CCSER1: variants seen among roughly 807,000 people sequenced by gnomAD.
CCSER1 encodes the protein serine-rich coiled-coil domain-containing protein 1.
CCSER1 carries 41 observed loss-of-function variants against 82.0 expected under a neutral mutation model. The ratio of observed to expected loss-of-function variants is 0.50; its 90% CI spans 0.39 to 0.65. The LOEUF (loss-of-function observed/expected upper bound fraction) is 0.65. Among genes scored for constraint, CCSER1 ranks in the 30% least tolerant of loss-of-function variants. The probability of loss-of-function intolerance (pLI) is 0.00; values close to 1 mark genes in which losing one functional copy is unlikely to be tolerated. For missense variants in CCSER1, 1,119 were observed against 1,064.2 expected (o/e 1.05, Z -0.72); for synonymous variants, 414 against 383.9 (o/e 1.08, Z -0.92).
chr4:91,545,362 T>C (rs1328854720), intron 10 of CCSER1, among the ~76,000 whole-genome samples: 1 of 152,088 alleles, frequency 6.6e-6, no homozygotes, highest in Non-Finnish European at 1.5e-5. Context: ...ATGAAACAGG[T>C]ACCTCAGTTG....
At chr4:90,299,312 C>G (rs1209550605) in intron 1 of CCSER1, among the ~76,000 whole-genome samples, 2 of 151,982 alleles carry the variant, frequency 1.3e-5, no homozygotes, top group Admixed American at 1.3e-4. Flanking sequence ...TGTTTTGTGT[C>G]AATTCATTTT....
At chr4:90,721,213 A>T (rs1561013646) in intron 6 of CCSER1, among the ~76,000 whole-genome samples, 1 of 151,908 alleles carries the variant, frequency 6.6e-6, no homozygotes, top group Non-Finnish European at 1.5e-5. Context: ...ATAACATTTT[A>T]ATGGTAGGTA....
At chr4:90,293,403 C>G (rs897796639) in intron 1 of CCSER1, among the ~76,000 whole-genome samples, 15 of 151,272 alleles carry the variant, frequency 9.9e-5, no homozygotes, top group African/African-American at 3.4e-4. Flanking sequence ...TTATCAGATA[C>G]TAATTGTTTT....
chr4:90,586,139 C>T (rs986200578), intron 5 of CCSER1, among the ~76,000 whole-genome samples: 2 of 152,086 alleles, frequency 1.3e-5, no homozygotes, highest in Admixed American at 6.6e-5. Context: ...GCCTGAGCTC[C>T]ACCTCCTGTC....
At chr4:90,707,538 A>T (rs72875622) in intron 6 of CCSER1, among the ~76,000 whole-genome samples, 11,296 of 137,920 alleles carry the variant, frequency 0.082, 452 homozygotes, top group East Asian at 0.15. Context: ...TTAAAAAAAA[A>T]ATATATATAT....
chr4:91,205,995 G>A (rs1736312718), intron 10 of CCSER1, among the ~76,000 whole-genome samples: 1 of 151,758 alleles, frequency 6.6e-6, no homozygotes, highest in African/African-American at 2.4e-5. Flanking sequence ...GAAGTGCAGA[G>A]AGCTAAGGGA....
At chr4:90,256,853 G>C (rs1326387608) in intron 1 of CCSER1, among the ~76,000 whole-genome samples, 1 of 152,088 alleles carries the variant, frequency 6.6e-6, no homozygotes, top group Non-Finnish European at 1.5e-5. Flanking sequence ...TTTTGAGAGA[G>C]AGAAAGAGGG....
chr4:91,596,004 A>G (rs985917856), intron 10 of CCSER1, among the ~76,000 whole-genome samples: 1 of 150,982 alleles, frequency 6.6e-6, no homozygotes, highest in Non-Finnish European at 1.5e-5. Flanking sequence ...AAAACAAACT[A>G]TGCTAAATAA....
intron 8 of CCSER1, among the ~76,000 whole-genome samples, chr4:90,849,982 G>A (rs1763667581): frequency 6.6e-6 from 1 of 152,002 alleles, no homozygotes; most frequent in Non-Finnish European, 1.5e-5. Flanking sequence ...ATGGTTTCAT[G>A]GGCTGGGCAC....
Position 90,309,380 on chromosome 4 carries a change from A to C in CCSER1, c.1096A>C (p.Asn366His). 1 of 1,613,888 alleles carries C rather than the reference A, an allele frequency of 6.2e-7. No homozygotes were observed. Among genetic ancestry groups the C allele is most frequent in the Non-Finnish European group, 8.5e-7 (1 of 1,179,814 alleles). The part of the protein sequence containing the change: ...PATSVSHSES[N>H]LPADSEREEN... The stretch of plus-strand genomic sequence containing the variant: ...TACAAGTGTGAGCCACTCAGAGAGT[A>C]ACCTACCAGCAGATAGTGAAAGAGA... Residue 366 changes from asparagine to histidine, a missense_variant, in exon 2 of 11, where the codon AAC becomes CAC. By Grantham distance (68) the Asn-to-His change is moderately conservative. Transcript: ENST00000509176.
At chr4:90,942,652 A>C (rs977340225) in intron 9 of CCSER1, among the ~76,000 whole-genome samples, 7 of 151,642 alleles carry the variant, frequency 4.6e-5, no homozygotes, top group African/African-American at 1.5e-4. Flanking sequence ...CCTCATTTAA[A>C]AGCTATCTTT....
At chr4:91,220,933 T>C (rs994208311) in intron 10 of CCSER1, among the ~76,000 whole-genome samples, 2 of 152,156 alleles carry the variant, frequency 1.3e-5, no homozygotes, top group Non-Finnish European at 2.9e-5. Flanking sequence ...AAAAGTCATA[T>C]GTACGGAAAA....
At chr4:90,289,942 A>C (rs1193978161) in intron 1 of CCSER1, among the ~76,000 whole-genome samples, 1 of 151,674 alleles carries the variant, frequency 6.6e-6, no homozygotes, top group Non-Finnish European at 1.5e-5. Context: ...GATTGCCCAA[A>C]GTTAGTGAGA....
intron 8 of CCSER1, among the ~76,000 whole-genome samples, chr4:90,819,118 G>T (rs1394055312): frequency 6.6e-6 from 1 of 152,110 alleles, no homozygotes; most frequent in Non-Finnish European, 1.5e-5. Context: ...CATCTTTTCG[G>T]TATGTGCTCC....
chr4:90,839,088 T>A (rs1762231391), intron 8 of CCSER1: 2 of 1,456,138 alleles, frequency 1.4e-6, no homozygotes, highest in African/African-American at 2.8e-5. Context: ...CGAAGTCTGG[T>A]CTGCGCAGTG....
At chr4:91,580,187 A>G (rs1296272944) in intron 10 of CCSER1, among the ~76,000 whole-genome samples, 1 of 151,882 alleles carries the variant, frequency 6.6e-6, no homozygotes, top group African/African-American at 2.4e-5. Flanking sequence ...AGAATTTGAC[A>G]TAGTTGTACT....
Position 91,174,551 on chromosome 4 carries a change from C to T in CCSER1, c.2217+88557C>T, listed in dbSNP as rs535850756. ...TGGTGCTTTGCTGCACCCATCAACCCGTAATCTAGGTTTTCAGCCCCACAT... is the reference window on the plus strand; with the variant it reads ...TGGTGCTTTGCTGCACCCATCAACCTGTAATCTAGGTTTTCAGCCCCACAT... On this transcript the variant is annotated intron_variant, in intron 10 of 10. Transcript: ENST00000509176. Among the ~76,000 whole-genome samples, 7 of 151,804 alleles carry T rather than the reference C, an allele frequency of 4.6e-5. No individual in the cohort carries two copies. In the South Asian group the frequency reaches 6.2e-4, roughly 14 times the overall value.
At chr4:91,023,964 T>A (rs1740253992) in intron 9 of CCSER1, among the ~76,000 whole-genome samples, 1 of 152,152 alleles carries the variant, frequency 6.6e-6, no homozygotes, top group Admixed American at 6.5e-5. Context: ...TTTATTATAT[T>A]TCTGGTGTCT....
intron 8 of CCSER1, among the ~76,000 whole-genome samples, chr4:90,818,459 G>A (rs1759322955): frequency 6.6e-6 from 1 of 151,928 alleles, no homozygotes; most frequent in African/African-American, 2.4e-5. Flanking sequence ...TGTATTTTTA[G>A]TAGAGACGAG....
Sources: gnomAD v4.1 joint callset for allele counts (sites outside exome capture counted in the v4.1 genomes callset) on GRCh38, gnomAD v4.1.1 for gene constraint, MANE v1.5 for transcripts, NCBI Gene and HGNC (gene_info 2026-07-23, HGNC 2026-07-21) for gene names.